Variants in RASAL2 observed in about 807,000 individuals in gnomAD.
RASAL2 encodes RAS protein activator like 2.
In RASAL2, 58 loss-of-function variants were observed where a neutral mutation model predicts 128.9. The observed-to-expected ratio is 0.45, with a 90% CI of 0.36 to 0.56. The LOEUF (loss-of-function observed/expected upper bound fraction) is 0.56. Among genes scored for constraint, RASAL2 ranks in the 20% least tolerant of loss-of-function variants. The probability of loss-of-function intolerance (pLI) is 0.00; values close to 1 mark genes in which losing one functional copy is unlikely to be tolerated. For synonymous variants in RASAL2, 561 were observed against 580.8 expected (o/e 0.97, Z 0.49); for missense variants, 1,360 against 1,601.6 (o/e 0.85, Z 2.57).
intron 1 of RASAL2, among the ~76,000 whole-genome samples, chr1:178,129,220 C>A (rs1352940901): frequency 6.6e-6 from 1 of 152,042 alleles, no homozygotes; most frequent in Non-Finnish European, 1.5e-5. Context: ...TATAAGGGCT[C>A]TGATTTCTCC....
intron 2 of RASAL2, among the ~76,000 whole-genome samples, chr1:178,298,737 G>A (rs957440914): frequency 6.6e-6 from 1 of 152,126 alleles, no homozygotes; most frequent in Non-Finnish European, 1.5e-5. Context: ...ACTTGCACAT[G>A]TAAGAACTCA....
intron 2 of RASAL2, among the ~76,000 whole-genome samples, chr1:178,293,204 A>C (rs1404767322): frequency 6.6e-6 from 1 of 152,238 alleles, no homozygotes; most frequent in Admixed American, 6.5e-5. Flanking sequence ...TGGTAAAAAT[A>C]AGACAATTTT....
intron 3 of RASAL2, among the ~76,000 whole-genome samples, chr1:178,333,456 A>G (rs904947968): frequency 2.6e-5 from 4 of 152,152 alleles, no homozygotes; most frequent in African/African-American, 9.7e-5. Context: ...ATTTTAACCC[A>G]TTTATGCCTA....
intron 2 of RASAL2, among the ~76,000 whole-genome samples, chr1:178,294,742 C>T (rs1667419777): frequency 6.6e-6 from 1 of 152,200 alleles, no homozygotes; most frequent in Non-Finnish European, 1.5e-5. Flanking sequence ...TATTTTCCAA[C>T]TGTGGTGCTG....
intron 1 of RASAL2, among the ~76,000 whole-genome samples, chr1:178,169,093 A>G (rs1454012795): frequency 6.6e-6 from 1 of 152,162 alleles, no homozygotes; most frequent in East Asian, 1.9e-4. Flanking sequence ...ACTTTTTAAC[A>G]TTAATATGCA....
In RASAL2 at chr1:178,217,480, T is replaced by G. The variant is rs6704174; in HGVS notation, c.203-66084T>G. Among the ~76,000 whole-genome samples the G allele has an allele frequency of 5.0e-3, 768 of 152,310 alleles. 14 individuals are homozygous for G. Among genetic ancestry groups the G allele is most frequent in the African/African-American group, 0.018 (739 of 41,560 alleles). On this transcript the variant is annotated intron_variant, in intron 1 of 17. Coordinates refer to ENST00000367649, the MANE Select transcript of RASAL2 (RefSeq NM_170692.4). ...TTCATAATTCCATTAAGGTTCACTC[T>G]TGGTGTTGTACATTTATGAGTTTTG...
intron 1 of RASAL2, among the ~76,000 whole-genome samples, chr1:178,169,977 C>T (rs565391029): frequency 6.6e-6 from 1 of 152,082 alleles, no homozygotes; most frequent in South Asian, 2.1e-4. Flanking sequence ...ATTATGAATA[C>T]ATTTATTTCC....
At chr1:178,146,114 A>G (rs1172830207) in intron 1 of RASAL2, among the ~76,000 whole-genome samples, 2 of 152,322 alleles carry the variant, frequency 1.3e-5, no homozygotes, top group East Asian at 3.9e-4. Flanking sequence ...GATTATTGCA[A>G]ATTTTCAGTA....
intron 3 of RASAL2, among the ~76,000 whole-genome samples, chr1:178,309,619 A>G (rs999915576): frequency 6.6e-6 from 1 of 152,196 alleles, no homozygotes; most frequent in African/African-American, 2.4e-5. Flanking sequence ...TATGGGATAA[A>G]ATAGCCATAT....
Position 178,133,665 on chromosome 1 carries a change from C to G in RASAL2, c.202+38971C>G, listed in dbSNP as rs187013193. Among the ~76,000 whole-genome samples the G allele has an allele frequency of 8.5e-5, 13 of 152,264 alleles. No individual in the cohort carries two copies. The East Asian group carries it at 2.5e-3, about 29-fold the overall frequency. On this transcript the variant is annotated intron_variant, in intron 1 of 17. Transcript: ENST00000367649. ...TTTCATAAAAATTCTGGTTAGGGCTCTTGCCCTGCTCCCAATGAAAGCCTT... is the reference window on the plus strand; with the variant it reads ...TTTCATAAAAATTCTGGTTAGGGCTGTTGCCCTGCTCCCAATGAAAGCCTT...
intron 1 of RASAL2, among the ~76,000 whole-genome samples, chr1:178,129,867 T>C (rs922090836): frequency 1.3e-5 from 2 of 152,178 alleles, no homozygotes; most frequent in African/African-American, 4.8e-5. Flanking sequence ...GGCATCTTTG[T>C]TGAAAAATAA....
intron 3 of RASAL2, among the ~76,000 whole-genome samples, chr1:178,305,237 A>C (rs937774242): frequency 6.6e-6 from 1 of 152,248 alleles, no homozygotes; most frequent in Non-Finnish European, 1.5e-5. Flanking sequence ...AGCAGTCGAC[A>C]AATCCAGTGC....
chr1:178,163,780 A>G (rs1233867393), intron 1 of RASAL2, among the ~76,000 whole-genome samples: 1 of 152,202 alleles, frequency 6.6e-6, no homozygotes, highest in Non-Finnish European at 1.5e-5. Flanking sequence ...TTGTTATTCC[A>G]TATGAGCTTA....
intron 3 of RASAL2, among the ~76,000 whole-genome samples, chr1:178,303,410 T>A (rs1045626902): frequency 1.3e-5 from 2 of 152,024 alleles, no homozygotes; most frequent in African/African-American, 4.8e-5. Context: ...GAAGAAGAAT[T>A]GTCTTGGACC....
At chr1:178,209,658 C>G (rs1663184420) in intron 1 of RASAL2, among the ~76,000 whole-genome samples, 1 of 151,848 alleles carries the variant, frequency 6.6e-6, no homozygotes, top group Non-Finnish European at 1.5e-5. Flanking sequence ...CTGGATAATT[C>G]ATCTGTTTAT....
At chr1:178,096,464 T>TG (rs1658687452) in intron 1 of RASAL2, among the ~76,000 whole-genome samples, 1 of 148,370 alleles carries the variant, frequency 6.7e-6, no homozygotes, top group Non-Finnish European at 1.5e-5. Context: ...ATTGTATATT[T>TG]TGTGTGTGTG....
At chr1:178,254,190 T>C (rs1665202443) in intron 1 of RASAL2, among the ~76,000 whole-genome samples, 1 of 152,190 alleles carries the variant, frequency 6.6e-6, no homozygotes, top group African/African-American at 2.4e-5. Flanking sequence ...TGCTGCTCCT[T>C]CTTCCCCATC....
intron 4 of RASAL2, among the ~76,000 whole-genome samples, chr1:178,395,771 G>GTATATATATATATATATATATA (rs57664965): frequency 2.3e-5 from 3 of 133,020 alleles, no homozygotes; most frequent in African/African-American, 6.9e-5. Context: ...TTAATGAACA[G>GTATATATATATATATATATATA]TATATATATA....
intron 3 of RASAL2, among the ~76,000 whole-genome samples, chr1:178,356,374 T>C (rs1324713850): frequency 6.6e-6 from 1 of 151,914 alleles, no homozygotes; most frequent in Non-Finnish European, 1.5e-5. Flanking sequence ...TAACCCAACA[T>C]AAATACATGC....
Sources: allele counts gnomAD v4.1 joint callset (sites outside exome capture counted in the v4.1 genomes callset), GRCh38; gene constraint gnomAD v4.1.1; transcripts MANE v1.5; gene names NCBI Gene and HGNC (gene_info 2026-07-23, HGNC 2026-07-21).